THSD7B: variants seen among roughly 807,000 people sequenced by gnomAD.
THSD7B encodes the protein thrombospondin type-1 domain-containing protein 7B.
In THSD7B, 138 loss-of-function variants were observed where a neutral mutation model predicts 213.6. The ratio of observed to expected loss-of-function variants is 0.65; its 90% CI spans 0.56 to 0.74. The LOEUF (loss-of-function observed/expected upper bound fraction) is 0.74, where lower values mean the gene tolerates loss of function less well. THSD7B is among the 30% of genes least tolerant of loss of function. THSD7B has a pLI of 0.00. For missense variants in THSD7B, 1,931 were observed against 1,991.5 expected, an observed-to-expected ratio of 0.97 and a Z score of 0.58; for synonymous variants, 742 against 687.0, an observed-to-expected ratio of 1.08 and a Z score of -1.25.
In THSD7B at chr2:137,563,310, G is replaced by C. The variant is rs200855240; in HGVS notation, c.3228G>C (p.Leu1076=). Residue 1076 remains leucine (L), a synonymous_variant, in exon 16 of 28, where the codon CTG becomes CTC. Coordinates refer to ENST00000409968, the MANE Select transcript of THSD7B (RefSeq NM_001316349.2). ...HWSSCKINNE[L]RSLRCGGGTQ... is the part of the protein sequence containing the mutation. ...CTTCATGCAAAATCAACAATGAGCT[G>C]AGGTCCCTGCGCTGTGGAGGAGGAA... 2.2e-4 allele frequency: 355 copies of C among 1,613,424 alleles called. 1 individual carries two copies. In the African/African-American group the frequency reaches 3.9e-3, roughly 18 times the overall value.
intron 6 of THSD7B, among the ~76,000 whole-genome samples, chr2:137,168,726 G>A (rs1394809448): frequency 6.6e-6 from 1 of 152,170 alleles, no homozygotes; most frequent in African/African-American, 2.4e-5. Context: ...TGTAAATCAT[G>A]GTGACTCATG....
In THSD7B at chr2:137,279,418, C is replaced by T. The variant is rs148031205; in HGVS notation, c.2500+3392C>T. ...AAGAGCCAGACATGGTAATGCATGC[C>T]GGTCATCCCAGCTACTCAGAAGGCT... On this transcript the variant is annotated intron_variant, in intron 12 of 27. Coordinates refer to ENST00000409968, the MANE Select transcript of THSD7B (RefSeq NM_001316349.2). Among the ~76,000 whole-genome samples the T allele has an allele frequency of 2.0e-3, 298 of 152,002 alleles. 1 individual carries two copies. The highest frequency in any genetic ancestry group is 0.01 in the Middle Eastern group (3 of 294).
At chr2:137,111,744 A>T (rs1317822169) in intron 4 of THSD7B, among the ~76,000 whole-genome samples, 2 of 152,164 alleles carry the variant, frequency 1.3e-5, no homozygotes, top group African/African-American at 4.8e-5. Context: ...GACACTTTGA[A>T]AAAAGCACAC....
intron 2 of THSD7B, among the ~76,000 whole-genome samples, chr2:136,957,797 T>G (rs1244771720): frequency 6.6e-6 from 1 of 152,228 alleles, no homozygotes; most frequent in Non-Finnish European, 1.5e-5. Flanking sequence ...ATTTAAAATG[T>G]TAACCTGATA....
chr2:137,610,106 A>G (rs975022088), intron 17 of THSD7B, among the ~76,000 whole-genome samples: 6 of 152,202 alleles, frequency 3.9e-5, no homozygotes, highest in African/African-American at 1.4e-4. Context: ...TTCAGAGACA[A>G]TGGTTTGAGG....
chr2:136,801,412 C>T (rs2104922026), intron 1 of THSD7B, among the ~76,000 whole-genome samples: 1 of 152,106 alleles, frequency 6.6e-6, no homozygotes. Context: ...TATCTAGAAT[C>T]ATTTGAGACA....
intron 1 of THSD7B, among the ~76,000 whole-genome samples, chr2:136,875,970 T>C (rs564075722): frequency 1.3e-4 from 20 of 152,206 alleles, no homozygotes; most frequent in Non-Finnish European, 2.8e-4. Context: ...CTACAGCCAT[T>C]TGGAGTAGAG....
chr2:136,936,462 T>C (rs513980), intron 2 of THSD7B, among the ~76,000 whole-genome samples: 62,595 of 152,058 alleles, frequency 0.41, 14,992 homozygotes, highest in Non-Finnish European at 0.55. Context: ...AACTGTGGTA[T>C]GTGTATATGA....
chr2:137,094,558 TA>T lies in THSD7B; in HGVS notation c.951-303del, dbSNP rs34285827. Among the ~76,000 whole-genome samples, 3,951 of 141,704 alleles carry T rather than the reference TA, an allele frequency of 0.028. 275 individuals carry two copies. The East Asian group carries it at 0.29, about 11-fold the overall frequency. The allele number at this position is 141,704 out of a possible 152,430, so 93.0% of individuals were successfully genotyped here. A position where few individuals can be genotyped will look rare whatever the true frequency, so the allele number is the denominator to read the frequency against. ...GGGTGACAGAGCAAGACTCCATCTC[TA>T]AAAAAAAAAAACACAGCAGCCTAGA... is the stretch of plus-strand genomic sequence containing the variant. On this transcript the variant is annotated intron_variant, in intron 3 of 27. Coordinates refer to ENST00000409968, the MANE Select transcript of THSD7B (RefSeq NM_001316349.2).
At chr2:137,233,734 G>T (rs1385672200) in intron 9 of THSD7B, among the ~76,000 whole-genome samples, 1 of 152,190 alleles carries the variant, frequency 6.6e-6, no homozygotes, top group African/African-American at 2.4e-5. Flanking sequence ...AACTGCAAAT[G>T]ATTGGAGGAA....
chr2:137,282,932 T>G (rs1683064356), intron 12 of THSD7B, among the ~76,000 whole-genome samples: 2 of 152,194 alleles, frequency 1.3e-5, no homozygotes, highest in African/African-American at 2.4e-5. Context: ...TTTTTTTCAA[T>G]TCTGTGAAGA....
intron 12 of THSD7B, among the ~76,000 whole-genome samples, chr2:137,295,024 ATAC>A (rs1413943624): frequency 6.6e-6 from 1 of 152,104 alleles, no homozygotes; most frequent in Non-Finnish European, 1.5e-5. Flanking sequence ...TAATACTCAC[ATAC>A]TACTTTCATG....
intron 2 of THSD7B, among the ~76,000 whole-genome samples, chr2:136,901,391 C>T (rs1036651924): frequency 7.2e-5 from 11 of 152,212 alleles, no homozygotes; most frequent in African/African-American, 2.4e-4. Flanking sequence ...AACTTTTCAC[C>T]TTTTAAAAAT....
At chr2:136,865,755 C>T (rs560352846) in intron 1 of THSD7B, among the ~76,000 whole-genome samples, 17 of 152,274 alleles carry the variant, frequency 1.1e-4, no homozygotes, top group African/African-American at 3.4e-4. Flanking sequence ...CTGGAGCTGG[C>T]GTTACCAGTT....
At chr2:137,051,516 A>G (rs1035456162) in intron 2 of THSD7B, among the ~76,000 whole-genome samples, 1 of 152,212 alleles carries the variant, frequency 6.6e-6, no homozygotes, top group African/African-American at 2.4e-5. Context: ...AAAGCATCTT[A>G]TAAGTAAGTC....
intron 3 of THSD7B, among the ~76,000 whole-genome samples, chr2:137,079,172 T>A (rs967620511): frequency 2.6e-5 from 4 of 151,860 alleles, no homozygotes; most frequent in Admixed American, 1.3e-4. Flanking sequence ...AATCTGTAAT[T>A]GCAAATTTTC....
At chr2:137,588,870 C>G (rs1397870064) in intron 17 of THSD7B, among the ~76,000 whole-genome samples, 1 of 152,008 alleles carries the variant, frequency 6.6e-6, no homozygotes, top group Non-Finnish European at 1.5e-5. Flanking sequence ...ACTGCAACCT[C>G]CACCTCCCAG....
chr2:136,802,383 A>G (rs1019837832), intron 1 of THSD7B, among the ~76,000 whole-genome samples: 1 of 151,886 alleles, frequency 6.6e-6, no homozygotes, highest in Non-Finnish European at 1.5e-5. Context: ...AGAGGGAGCC[A>G]GCATATTTTG....
intron 15 of THSD7B, among the ~76,000 whole-genome samples, chr2:137,525,821 T>A (rs1680267326): frequency 6.6e-6 from 1 of 152,146 alleles, no homozygotes; most frequent in Admixed American, 6.6e-5. Context: ...TAAGTGGCTA[T>A]GTAACCAAAT....
Sources: gnomAD v4.1 joint callset for allele counts (sites outside exome capture counted in the v4.1 genomes callset) on GRCh38, gnomAD v4.1.1 for gene constraint, MANE v1.5 for transcripts, NCBI Gene and HGNC (gene_info 2026-07-23, HGNC 2026-07-21) for gene names.